ASTN2: variants seen among roughly 807,000 people sequenced by gnomAD.
ASTN2 encodes the protein astrotactin 2.
Under a neutral mutation model 139.8 loss-of-function variants are expected in ASTN2, and 54 were observed. That is an observed-to-expected ratio of 0.39 (90% CI 0.31 to 0.48). The LOEUF is 0.48. ASTN2 is among the 20% of genes least tolerant of loss of function. The pLI, the probability that ASTN2 is intolerant of heterozygous loss-of-function variation, is 0.95. For synonymous variants in ASTN2, 756 were observed against 719.5 expected, an observed-to-expected ratio of 1.05 and a Z score of -0.81; for missense variants, 1,565 against 1,725.1, an observed-to-expected ratio of 0.91 and a Z score of 1.64.
intron 13 of ASTN2, among the ~76,000 whole-genome samples, chr9:116,793,326 A>C (rs886484906): frequency 6.6e-6 from 1 of 152,222 alleles, no homozygotes; most frequent in African/African-American, 2.4e-5. Context: ...TATATGATTC[A>C]ATCATTCAAC....
intron 10 of ASTN2, among the ~76,000 whole-genome samples, chr9:116,914,890 A>T (rs1423661307): frequency 6.6e-6 from 1 of 152,152 alleles, no homozygotes; most frequent in Non-Finnish European, 1.5e-5. Flanking sequence ...GTGAGAAGCA[A>T]TCACCAGCTC....
intron 19 of ASTN2, among the ~76,000 whole-genome samples, chr9:116,561,209 C>T (rs1342302698): frequency 6.6e-6 from 1 of 152,030 alleles, no homozygotes; most frequent in East Asian, 1.9e-4. Context: ...TGGTATGCAT[C>T]GTGATGCATT....
At chr9:117,006,102 C>T (rs1249223828) in intron 7 of ASTN2, among the ~76,000 whole-genome samples, 1 of 152,062 alleles carries the variant, frequency 6.6e-6, no homozygotes, top group African/African-American at 2.4e-5. Flanking sequence ...TTAGGGTGCC[C>T]ACCAGGTAAA....
At chr9:116,687,204 C>T (rs1860279673) in intron 16 of ASTN2, 2 of 1,014,626 alleles carry the variant, frequency 2.0e-6, no homozygotes, top group Non-Finnish European at 2.4e-6. Context: ...CCGCCTTGCC[C>T]CGCGCGCTTG....
At chr9:116,887,396 G>A (rs911807731) in intron 10 of ASTN2, among the ~76,000 whole-genome samples, 1 of 151,706 alleles carries the variant, frequency 6.6e-6, no homozygotes, top group African/African-American at 2.4e-5. Flanking sequence ...AGGATCCCCC[G>A]AGGAGAGGCT....
intron 2 of ASTN2, among the ~76,000 whole-genome samples, chr9:117,257,054 A>T (rs1741455878): frequency 1.3e-5 from 2 of 152,190 alleles, no homozygotes; most frequent in African/African-American, 4.8e-5. Context: ...ATAGAAAAAA[A>T]CCTCCACATT....
intron 10 of ASTN2, among the ~76,000 whole-genome samples, chr9:116,874,247 C>T (rs893211769): frequency 6.6e-6 from 1 of 151,892 alleles, no homozygotes; most frequent in Admixed American, 6.6e-5. Context: ...ATTCTCCTTC[C>T]TCTAGCAATT....
At chr9:116,678,744 G>A (rs1859655203) in intron 16 of ASTN2, among the ~76,000 whole-genome samples, 1 of 152,022 alleles carries the variant, frequency 6.6e-6, no homozygotes, top group Admixed American at 6.6e-5. Flanking sequence ...ACTCATGTGG[G>A]GCCAGAATCT....
chr9:117,233,354 G>A (rs893540522), intron 2 of ASTN2, among the ~76,000 whole-genome samples: 23 of 152,158 alleles, frequency 1.5e-4, no homozygotes, highest in African/African-American at 3.4e-4. Context: ...TGGGCAAGTC[G>A]CTCAATACCC....
chr9:116,993,790 T>C (rs1260013131), intron 7 of ASTN2, among the ~76,000 whole-genome samples: 1 of 147,402 alleles, frequency 6.8e-6, no homozygotes, highest in East Asian at 2.0e-4. Flanking sequence ...TAGCACTTTA[T>C]ATATGTATGT....
chr9:117,305,419 A>C (rs1255605072), intron 1 of ASTN2, among the ~76,000 whole-genome samples: 1 of 152,168 alleles, frequency 6.6e-6, no homozygotes, highest in Non-Finnish European at 1.5e-5. Context: ...AAAGGCTGAA[A>C]TTCCCTGCTA....
At chr9:116,730,479 C>T (rs1828747420) in intron 14 of ASTN2, among the ~76,000 whole-genome samples, 1 of 152,182 alleles carries the variant, frequency 6.6e-6, no homozygotes, top group South Asian at 2.1e-4. Context: ...GTTATAAATA[C>T]ATCCTCTTTG....
intron 3 of ASTN2, among the ~76,000 whole-genome samples, chr9:117,144,375 G>C (rs1240552431): frequency 6.6e-6 from 1 of 152,192 alleles, no homozygotes; most frequent in Non-Finnish European, 1.5e-5. Context: ...GCATGGACAT[G>C]ATGTTTGAAT....
intron 19 of ASTN2, among the ~76,000 whole-genome samples, chr9:116,517,345 T>C (rs764037650): frequency 1.3e-5 from 2 of 152,218 alleles, no homozygotes; most frequent in Non-Finnish European, 2.9e-5. Context: ...CAGGACTCTT[T>C]GCAGACACTC....
chr9:116,936,903 G>A (rs1835098267), intron 10 of ASTN2, among the ~76,000 whole-genome samples: 2 of 152,146 alleles, frequency 1.3e-5, no homozygotes. Flanking sequence ...CTTAGGGGCT[G>A]GACAAATTGT....
At chr9:116,836,186 C>CTGA (rs1831985443) in intron 11 of ASTN2, among the ~76,000 whole-genome samples, 1 of 152,106 alleles carries the variant, frequency 6.6e-6, no homozygotes, top group African/African-American at 2.4e-5. Flanking sequence ...ACTGTTCCCC[C>CTGA]CTTAATCTCC....
At chr9:116,959,252 G>C (rs140009177) in intron 10 of ASTN2, among the ~76,000 whole-genome samples, 16 of 152,184 alleles carry the variant, frequency 1.1e-4, no homozygotes, top group Non-Finnish European at 2.1e-4. Context: ...TGAGTAAAAC[G>C]TAGCCAGATA....
At chr9:117,075,187 G>A (rs1259679207) in intron 5 of ASTN2, among the ~76,000 whole-genome samples, 4 of 152,160 alleles carry the variant, frequency 2.6e-5, no homozygotes, top group African/African-American at 7.2e-5. Context: ...GGGCAAGAAG[G>A]GGTGGACATG....
rs1372150398 is a variant in ASTN2 at position 117,016,696 on chromosome 9, TG to T, written c.1424-8438del. Among the ~76,000 whole-genome samples the T allele has an allele frequency of 4.1e-5, 6 of 144,694 alleles. No individual in the cohort carries two copies. The East Asian group carries it at 1.0e-3, about 24-fold the overall frequency. The allele number at this position is 144,694 out of a possible 152,430, so 94.9% of individuals were successfully genotyped here. On this transcript the variant is annotated intron_variant, in intron 6 of 22. Transcript: ENST00000313400. ...TACATATATATAGGTTATATATATA[TG>T]TTACATATATATAGGTTATATATAT...
Sources: allele counts gnomAD v4.1 joint callset (sites outside exome capture counted in the v4.1 genomes callset), GRCh38; gene constraint gnomAD v4.1.1; transcripts MANE v1.5; gene names NCBI Gene and HGNC (gene_info 2026-07-23, HGNC 2026-07-21).